The following HHIP variants were observed in gnomAD, a reference collection of about 807,000 sequenced individuals.
The protein encoded by HHIP is hedgehog interacting protein.
A neutral mutation model predicts 74.0 loss-of-function variants in HHIP; 12 were observed. The ratio of observed to expected loss-of-function variants is 0.16; its 90% CI spans 0.10 to 0.26. HHIP has a LOEUF of 0.26. HHIP is among the 10% of genes least tolerant of loss of function. HHIP has a pLI of 1.00. For synonymous variants in HHIP, 309 were observed against 311.6 expected (o/e 0.99, Z 0.09); for missense variants, 788 against 845.0 (o/e 0.93, Z 0.84).
intron 4 of HHIP, among the ~76,000 whole-genome samples, chr4:144,688,413 G>A (rs1356819993): frequency 1.3e-5 from 2 of 151,884 alleles, no homozygotes; most frequent in African/African-American, 4.8e-5. Flanking sequence ...TGAAGTCCCA[G>A]GCAGCCAATG....
chr4:144,703,582 T>C (rs952891725), intron 4 of HHIP, among the ~76,000 whole-genome samples: 3 of 152,056 alleles, frequency 2.0e-5, no homozygotes, highest in Non-Finnish European at 4.4e-5. Context: ...GATTTGGAAA[T>C]AGAGTGAAGA....
chr4:144,693,164 A>G (rs1729721742), intron 4 of HHIP, among the ~76,000 whole-genome samples: 1 of 152,128 alleles, frequency 6.6e-6, no homozygotes, highest in Admixed American at 6.6e-5. Flanking sequence ...TTGCCCTACA[A>G]TTTAGAATCA....
At chr4:144,709,793 T>C (rs1178295312) in intron 7 of HHIP, among the ~76,000 whole-genome samples, 1 of 152,140 alleles carries the variant, frequency 6.6e-6, no homozygotes, top group African/African-American at 2.4e-5. Flanking sequence ...TAAAGGACAG[T>C]GATAGATGCA....
At chr4:144,651,777 C>T (rs1560692242) in intron 1 of HHIP, among the ~76,000 whole-genome samples, 1 of 151,928 alleles carries the variant, frequency 6.6e-6, no homozygotes. Context: ...CCACTAATTG[C>T]TAAACTCAAT....
intron 4 of HHIP, among the ~76,000 whole-genome samples, chr4:144,667,135 G>A (rs989257053): frequency 6.6e-6 from 1 of 152,056 alleles, no homozygotes; most frequent in African/African-American, 2.4e-5. Flanking sequence ...AATCACTTGA[G>A]GCCAGGAGTT....
intron 11 of HHIP, among the ~76,000 whole-genome samples, chr4:144,731,032 T>C (rs949546469): frequency 1.3e-5 from 2 of 152,190 alleles, no homozygotes; most frequent in Non-Finnish European, 2.9e-5. Flanking sequence ...AATGCATCTT[T>C]CAGAATGAGT....
rs113431784 is a variant in HHIP at position 144,726,867 on chromosome 4, A to G, written c.1761-7874A>G. 3.3e-3 allele frequency among the ~76,000 whole-genome samples: 509 copies of G among 152,254 alleles called. 4 individuals carry two copies. The highest frequency in any genetic ancestry group is 0.011 in the African/African-American group (470 of 41,546). Reference sequence around the variant, plus strand: ...ATGGCTCTCTTCAGGGTGCACATCCACTTTTCAGAGTTTCACTTCCATCAT... The same window carrying G: ...ATGGCTCTCTTCAGGGTGCACATCCGCTTTTCAGAGTTTCACTTCCATCAT... On this transcript the variant is annotated intron_variant, in intron 11 of 12. Coordinates refer to ENST00000296575, the MANE Select transcript of HHIP (RefSeq NM_022475.3).
chr4:144,744,147 A>G lies in HHIP; in HGVS notation c.*6190A>G, dbSNP rs1479766005. On this transcript the variant is annotated 3_prime_UTR_variant, in exon 13 of 13. Coordinates refer to ENST00000296575, the MANE Select transcript of HHIP (RefSeq NM_022475.3). Reference sequence around the variant, plus strand: ...ATAAATGGTAACTGAGGTACTATGGAATTTTTAGAACTTGATTCCCCAGGA... The same window carrying G: ...ATAAATGGTAACTGAGGTACTATGGGATTTTTAGAACTTGATTCCCCAGGA... 6.6e-6 allele frequency: 1 copy of G among 152,144 alleles called. No homozygotes were observed. Among genetic ancestry groups the G allele is most frequent in the Non-Finnish European group, 1.5e-5 (1 of 68,006 alleles). The allele number at this position is 152,144 out of a possible 1,614,324, so 9.4% of individuals were successfully genotyped here. A position where few individuals can be genotyped will look rare whatever the true frequency, so the allele number is the denominator to read the frequency against.
intron 4 of HHIP, among the ~76,000 whole-genome samples, chr4:144,684,232 A>ATTTTTTTTTTTTTTTTTTT (rs1174297815): frequency 3.2e-5 from 2 of 62,930 alleles, no homozygotes; most frequent in African/African-American, 6.2e-5. Context: ...AAAAAAAAGA[A>ATTTTTTTTTTTTTTTTTTT]TTTTTTTTTT....
rs2575576 is a variant in HHIP at position 144,742,261 on chromosome 4, A to G, written c.*4304A>G. The G allele has an allele frequency of 0.99, 150,410 of 152,224 alleles. 74,332 individuals carry two copies. Among genetic ancestry groups the G allele is most frequent in the East Asian group, 1 (5,174 of 5,174 alleles). 9.4% of individuals were successfully genotyped at this position (152,224 alleles called of 1,614,324 possible). On this transcript the variant is annotated 3_prime_UTR_variant, in exon 13 of 13. Transcript: ENST00000296575. ...TTTTTCTGAAAAATAGCCTCTCTTG[A>G]TTCCACATTTTCTCAAATTCTATAT...
intron 8 of HHIP, 126 bp downstream of exon 8, chr4:144,712,197 A>G: frequency 1.3e-6 from 1 of 783,068 alleles, no homozygotes; most frequent in South Asian, 1.7e-5. Context: ...CTGGCCTAAC[A>G]ATCATGCAGG....
chr4:144,713,160 T>C (rs1730348588), intron 8 of HHIP, among the ~76,000 whole-genome samples: 1 of 152,110 alleles, frequency 6.6e-6, no homozygotes, highest in Non-Finnish European at 1.5e-5. Flanking sequence ...TCATTTCCTT[T>C]ACAGAACAAC....
chr4:144,647,061 G>C (rs534432345), intron 1 of HHIP, 107 bp downstream of exon 1: 1 of 947,292 alleles, frequency 1.1e-6, no homozygotes, highest in South Asian at 1.7e-5. Flanking sequence ...AACTTCTTTG[G>C]GGGAGTTCTT....
chr4:144,659,641 C>A lies in HHIP; in HGVS notation c.634C>A (p.His212Asn). Residue 212 changes from histidine to asparagine, a missense_variant, in exon 4 of 13, where the codon CAC becomes AAC. Physicochemically the swap from His to Asn is moderately conservative, Grantham distance 68. Coordinates refer to ENST00000296575, the MANE Select transcript of HHIP (RefSeq NM_022475.3). ...GGTTTTCTTTAATTTGTTTAGAAAG[C>A]ACAAACACAACTGCTTCTGTATTCA... is the stretch of plus-strand genomic sequence containing the variant. The part of the protein sequence containing the change: ...YDKVEEISRK[H>N]KHNCFCIQEV... 6.8e-7 allele frequency: 1 copy of A among 1,473,464 alleles called. No homozygotes were observed. Among genetic ancestry groups the A allele is most frequent in the Non-Finnish European group, 9.0e-7 (1 of 1,113,228 alleles). The allele number at this position is 1,473,464 out of a possible 1,614,324, so 91.3% of individuals were successfully genotyped here.
At chr4:144,672,057 G>A (rs898397681) in intron 4 of HHIP, among the ~76,000 whole-genome samples, 4 of 152,112 alleles carry the variant, frequency 2.6e-5, no homozygotes, top group Non-Finnish European at 5.9e-5. Flanking sequence ...CTGAGGAATG[G>A]AAAGTAGTGC....
At chr4:144,693,572 T>A (rs904224910) in intron 4 of HHIP, among the ~76,000 whole-genome samples, 4 of 151,884 alleles carry the variant, frequency 2.6e-5, no homozygotes, top group African/African-American at 7.2e-5. Flanking sequence ...CTCCTCAGAG[T>A]TTTTTCTTTT....
intron 11 of HHIP, among the ~76,000 whole-genome samples, chr4:144,730,360 T>A (rs1320126276): frequency 6.6e-6 from 1 of 152,190 alleles, no homozygotes; most frequent in Non-Finnish European, 1.5e-5. Context: ...AAATATGTTT[T>A]TCTGATTTAA....
intron 11 of HHIP, among the ~76,000 whole-genome samples, chr4:144,727,974 C>T (rs892238339): frequency 4.6e-5 from 7 of 152,178 alleles, no homozygotes; most frequent in African/African-American, 1.7e-4. Context: ...CATACACTTT[C>T]TGATCTTTTA....
At chr4:144,670,428 T>C (rs1729001338) in intron 4 of HHIP, among the ~76,000 whole-genome samples, 1 of 141,024 alleles carries the variant, frequency 7.1e-6, no homozygotes, top group Admixed American at 7.5e-5. Flanking sequence ...GCCACTGCAC[T>C]CCAGCCTGGG....
Sources: gnomAD v4.1 joint callset for allele counts (sites outside exome capture counted in the v4.1 genomes callset) on GRCh38, gnomAD v4.1.1 for gene constraint, MANE v1.5 for transcripts, NCBI Gene and HGNC (gene_info 2026-07-23, HGNC 2026-07-21) for gene names.